The following ZFAT variants were observed in gnomAD, a reference collection of about 807,000 sequenced individuals.
ZFAT encodes zinc finger protein ZFAT.
Under a neutral mutation model 117.7 loss-of-function variants are expected in ZFAT, and 64 were observed. That is an observed-to-expected ratio of 0.54 (90% confidence interval 0.44 to 0.67). ZFAT has a LOEUF of 0.67. Among genes scored for constraint, ZFAT ranks in the 30% least tolerant of loss-of-function variants. The pLI is 0.00. For missense variants in ZFAT, 1,433 were observed against 1,584.5 expected (o/e 0.90, Z 1.62); for synonymous variants, 679 against 615.0 (o/e 1.10, Z -1.54).
At chr8:134,553,205 A>G (rs1823313033) in intron 11 of ZFAT, among the ~76,000 whole-genome samples, 1 of 152,200 alleles carries the variant, frequency 6.6e-6, no homozygotes, top group African/African-American at 2.4e-5. Context: ...GGTGGGAGAC[A>G]TACCTGGTAA....
intron 15 of ZFAT, among the ~76,000 whole-genome samples, chr8:134,504,940 C>A (rs778044044): frequency 3.9e-5 from 6 of 152,174 alleles, no homozygotes; most frequent in Non-Finnish European, 7.3e-5. Flanking sequence ...GGCCTCCCTG[C>A]TCAGCACCTG....
chr8:134,671,378 G>C (rs531331666), intron 1 of ZFAT, among the ~76,000 whole-genome samples: 2 of 152,016 alleles, frequency 1.3e-5, no homozygotes, highest in African/African-American at 4.8e-5. Flanking sequence ...AACCGAATCC[G>C]GCAGCACATC....
intron 2 of ZFAT, among the ~76,000 whole-genome samples, chr8:134,653,419 G>GTTTTT (rs61711569): frequency 3.1e-4 from 16 of 51,330 alleles, no homozygotes; most frequent in African/African-American, 7.7e-4. Context: ...CGTTTTATCT[G>GTTTTT]TTTTTTTTTT....
chr8:134,629,520 G>A (rs1829744002), intron 3 of ZFAT, among the ~76,000 whole-genome samples: 1 of 152,086 alleles, frequency 6.6e-6, no homozygotes, highest in Admixed American at 6.5e-5. Context: ...ATCTCATGTT[G>A]AATTGGAGGA....
intron 12 of ZFAT, among the ~76,000 whole-genome samples, chr8:134,531,025 T>C (rs1821367252): frequency 6.6e-6 from 1 of 152,194 alleles, no homozygotes; most frequent in Admixed American, 6.5e-5. Flanking sequence ...TATCTGTGTG[T>C]GTCTGTGTGT....
chr8:134,526,209 T>C (rs1216703164), intron 12 of ZFAT, among the ~76,000 whole-genome samples: 2 of 152,222 alleles, frequency 1.3e-5, no homozygotes, highest in Non-Finnish European at 2.9e-5. Context: ...GAGGAAAACA[T>C]TCTTATATTA....
chr8:134,550,324 A>AAAAAAAAAAAC (rs1823054272), intron 11 of ZFAT, among the ~76,000 whole-genome samples: 1 of 151,284 alleles, frequency 6.6e-6, no homozygotes, highest in East Asian at 1.9e-4. Flanking sequence ...AAAAAAAAAA[A>AAAAAAAAAAAC]AAAAAAAACA....
intron 15 of ZFAT, among the ~76,000 whole-genome samples, chr8:134,508,230 C>G (rs553892295): frequency 6.6e-6 from 1 of 152,348 alleles, no homozygotes; most frequent in South Asian, 2.1e-4. Flanking sequence ...CCCCAGAGAA[C>G]TACTTGGCCT....
chr8:134,586,229 T>C (rs181379402), intron 9 of ZFAT, among the ~76,000 whole-genome samples: 48 of 152,350 alleles, frequency 3.2e-4, no homozygotes, highest in Non-Finnish European at 3.7e-4. Flanking sequence ...CTGAAGTCGC[T>C]AAAAATATTA....
chr8:134,819,623 G>A, the ZFAT span, among the ~76,000 whole-genome samples: 1 of 150,772 alleles, frequency 6.6e-6, no homozygotes, highest in East Asian at 1.9e-4. Context: ...ACTTCTTTCT[G>A]GGCTCCTATT....
rs77374450 is a variant in ZFAT at position 134,666,921 on chromosome 8, G to A, written c.20-9184C>T. 4.5e-4 allele frequency among the ~76,000 whole-genome samples: 68 copies of A among 152,262 alleles called. No homozygotes were observed. The East Asian group carries it at 0.011, about 25-fold the overall frequency. ...TTCAAGAAGCTGAGCAAACCCGACA[G>A]GATAAACCCAAAGAAATCCACGCCA... On this transcript the variant is annotated intron_variant, in intron 1 of 15. Transcript: ENST00000377838.
chr8:134,533,533 C>T (rs557651543), intron 11 of ZFAT, among the ~76,000 whole-genome samples: 10 of 152,360 alleles, frequency 6.6e-5, no homozygotes, highest in Non-Finnish European at 1.5e-4. Flanking sequence ...GGACACATTT[C>T]TCAGAACGTA....
At chr8:134,776,953 C>T in the ZFAT span, among the ~76,000 whole-genome samples, 1 of 152,158 alleles carries the variant, frequency 6.6e-6, no homozygotes, top group South Asian at 2.1e-4. Flanking sequence ...ACAAACAGAA[C>T]TCTGGAGAGT....
chr8:134,705,418 T>C (rs958407282), intron 1 of ZFAT, among the ~76,000 whole-genome samples: 3 of 150,220 alleles, frequency 2.0e-5, no homozygotes, highest in Non-Finnish European at 4.4e-5. Context: ...CTATGTTGTA[T>C]GTTGCCAAGG....
the ZFAT span, among the ~76,000 whole-genome samples, chr8:134,774,374 T>C: frequency 2.6e-4 from 39 of 152,180 alleles, 1 homozygote; most frequent in African/African-American, 8.2e-4. Context: ...ATATCTTTTG[T>C]GAAAGCATCA....
chr8:134,673,863 A>G lies in ZFAT; in HGVS notation c.20-16126T>C, dbSNP rs141690602. Among the ~76,000 whole-genome samples, 1,418 of 152,346 alleles carry G rather than the reference A, an allele frequency of 9.3e-3. 16 individuals carry two copies. Among genetic ancestry groups the G allele is most frequent in the African/African-American group, 0.033 (1,360 of 41,586 alleles). On this transcript the variant is annotated intron_variant, in intron 1 of 15. Coordinates refer to ENST00000377838, the MANE Select transcript of ZFAT (RefSeq NM_020863.4). ...CACAGTGGCTCACGCCTATAATCCC[A>G]GCACTTTGAGAGGCCGAGGTGGGCA...
chr8:134,578,742 G>A (rs1045515479), intron 10 of ZFAT, among the ~76,000 whole-genome samples: 7 of 152,206 alleles, frequency 4.6e-5, no homozygotes, highest in Non-Finnish European at 1.0e-4. Flanking sequence ...GCATGAGGGT[G>A]TTGAGAAGCG....
chr8:134,752,832 G>A, the ZFAT span, among the ~76,000 whole-genome samples: 1 of 152,044 alleles, frequency 6.6e-6, no homozygotes, highest in Non-Finnish European at 1.5e-5. Flanking sequence ...GATTATAAGG[G>A]CCCCGCCCTC....
chr8:134,552,529 T>C (rs1034887694), intron 11 of ZFAT, among the ~76,000 whole-genome samples: 2 of 152,234 alleles, frequency 1.3e-5, no homozygotes, highest in Admixed American at 1.3e-4. Flanking sequence ...AGCTTCATGG[T>C]GCACATTTTT....
Sources: gnomAD v4.1 joint callset for allele counts (sites outside exome capture counted in the v4.1 genomes callset) on GRCh38, gnomAD v4.1.1 for gene constraint, MANE v1.5 for transcripts, NCBI Gene and HGNC (gene_info 2026-07-23, HGNC 2026-07-21) for gene names.